The following SPOCK1 variants were observed in gnomAD, a reference collection of about 807,000 sequenced individuals.
SPOCK1 encodes the protein testican-1.
A neutral mutation model predicts 55.3 loss-of-function variants in SPOCK1; 23 were observed. The observed-to-expected ratio is 0.42, with a 90% CI of 0.30 to 0.59. The LOEUF is 0.59. SPOCK1 is among the 20% of genes least tolerant of loss of function. SPOCK1 has a pLI of 0.22. For missense variants in SPOCK1, 499 were observed against 552.5 expected (o/e 0.90, Z 0.97); for synonymous variants, 226 against 221.0 (o/e 1.02, Z -0.20).
chr5:137,244,673 C>T (rs927538903), intron 3 of SPOCK1, among the ~76,000 whole-genome samples: 11 of 152,168 alleles, frequency 7.2e-5, no homozygotes, highest in African/African-American at 2.7e-4. Flanking sequence ...TTTGTTCTAC[C>T]CTCAATGGAA....
At chr5:137,032,545 C>T (rs192453778) in intron 6 of SPOCK1, among the ~76,000 whole-genome samples, 1 of 152,052 alleles carries the variant, frequency 6.6e-6, no homozygotes, top group African/African-American at 2.4e-5. Context: ...GAAAAAGGCA[C>T]GAGGTAGCGT....
chr5:137,313,968 A>G (rs1421216042), intron 2 of SPOCK1, among the ~76,000 whole-genome samples: 1 of 148,812 alleles, frequency 6.7e-6, no homozygotes, highest in Non-Finnish European at 1.5e-5. Flanking sequence ...GTGTTCCCAG[A>G]TGGTCCTGCA....
chr5:137,039,269 A>ATT (rs1751943085), intron 6 of SPOCK1, among the ~76,000 whole-genome samples: 5 of 59,182 alleles, frequency 8.4e-5, no homozygotes, highest in Admixed American at 1.8e-4. Flanking sequence ...TGCCTGCCAC[A>ATT]CTTTTTTTTT....
At chr5:137,083,269 T>A (rs1375878105) in intron 5 of SPOCK1, among the ~76,000 whole-genome samples, 2 of 152,230 alleles carry the variant, frequency 1.3e-5, no homozygotes, top group Non-Finnish European at 2.9e-5. Context: ...GGGAAGCCAA[T>A]ACATCAGCTA....
chr5:136,979,414 G>A lies in SPOCK1; in HGVS notation c.1047C>T (p.His349=), dbSNP rs367919213. The part of the protein sequence containing the change: ...EEGYYKATQC[H]GSTGQCWCVD... ...CACACCAGCACTGCCCCGTGCTGCC[G>A]TGGCACTGTGTGGCTTTGTAATAGC... The change falls in exon 10 of 11, where the codon CAC becomes CAT. Residue 349 remains histidine (H), a synonymous_variant. Transcript: ENST00000394945. 20 of 1,613,934 alleles carry A rather than the reference G, an allele frequency of 1.2e-5. No individual in the cohort carries two copies. The highest frequency in any genetic ancestry group is 8.0e-5 in the African/African-American group (6 of 74,890).
chr5:137,367,343 C>T (rs1004944763), intron 2 of SPOCK1, among the ~76,000 whole-genome samples: 51 of 152,074 alleles, frequency 3.4e-4, no homozygotes, highest in African/African-American at 1.2e-3. Flanking sequence ...GTCAACATGC[C>T]GCAAGAAGCA....
At chr5:137,085,887 A>C (rs1038892021) in intron 5 of SPOCK1, among the ~76,000 whole-genome samples, 19 of 152,196 alleles carry the variant, frequency 1.2e-4, no homozygotes, top group African/African-American at 3.1e-4. Flanking sequence ...CCCTGCCCCA[A>C]TAGTGTTATT....
At chr5:137,487,160 T>C (rs887111750) in intron 2 of SPOCK1, among the ~76,000 whole-genome samples, 4 of 152,078 alleles carry the variant, frequency 2.6e-5, no homozygotes, top group African/African-American at 9.7e-5. Context: ...AATTTACCAT[T>C]AATTAAAGGA....
intron 2 of SPOCK1, among the ~76,000 whole-genome samples, chr5:137,314,590 G>T (rs1757844050): frequency 6.6e-6 from 1 of 152,198 alleles, no homozygotes; most frequent in African/African-American, 2.4e-5. Context: ...CCAGCAGAGT[G>T]CCAGGAACAC....
Position 136,984,352 on chromosome 5 carries a change from G to A in SPOCK1, c.991+788C>T, listed in dbSNP as rs185561005. 5.9e-5 allele frequency among the ~76,000 whole-genome samples: 9 copies of A among 152,136 alleles called. No individual in the cohort carries two copies. The East Asian group carries it at 1.5e-3, about 26-fold the overall frequency. ...AAACTTCTGAAATGGCAGGCTGCTT[G>A]GGGAATGCATCTGCCTCTGAATGCT... On this transcript the variant is annotated intron_variant, in intron 9 of 10. Transcript: ENST00000394945.
intron 2 of SPOCK1, among the ~76,000 whole-genome samples, chr5:137,488,073 T>C (rs908622932): frequency 6.6e-6 from 1 of 152,178 alleles, no homozygotes; most frequent in African/African-American, 2.4e-5. Context: ...GAGAACTACC[T>C]ACATCAGAAT....
intron 2 of SPOCK1, among the ~76,000 whole-genome samples, chr5:137,496,492 T>G (rs1036015727): frequency 2.6e-5 from 4 of 152,214 alleles, no homozygotes; most frequent in African/African-American, 9.6e-5. Flanking sequence ...TTCAACTCAA[T>G]CCAGCTGCCA....
chr5:137,220,253 T>C (rs1755819075), intron 3 of SPOCK1, among the ~76,000 whole-genome samples: 1 of 152,166 alleles, frequency 6.6e-6, no homozygotes, highest in Non-Finnish European at 1.5e-5. Flanking sequence ...AAAAGCACCA[T>C]TTTGGTTAAA....
At chr5:137,009,768 G>A (rs1408095872) in intron 6 of SPOCK1, among the ~76,000 whole-genome samples, 2 of 152,106 alleles carry the variant, frequency 1.3e-5, no homozygotes, top group Admixed American at 1.3e-4. Flanking sequence ...TCTCCATTCT[G>A]CCCTGTGACC....
At chr5:137,132,260 A>AG (rs796374039) in intron 4 of SPOCK1, among the ~76,000 whole-genome samples, 6 of 150,270 alleles carry the variant, frequency 4.0e-5, no homozygotes, top group Admixed American at 6.6e-5. Flanking sequence ...AGTGAATTGC[A>AG]GGGGGGCTCA....
intron 2 of SPOCK1, among the ~76,000 whole-genome samples, chr5:137,421,107 T>C (rs1752482497): frequency 6.6e-6 from 1 of 152,252 alleles, no homozygotes; most frequent in Non-Finnish European, 1.5e-5. Flanking sequence ...TTGAGCGGTT[T>C]TGAGTGAGTT....
In SPOCK1 at chr5:136,976,889, T is replaced by A. The variant is rs1313426178; in HGVS notation, c.*1765A>T. The stretch of plus-strand genomic sequence containing the variant: ...CCGACTGGATTGGAACATGCTAATT[T>A]AAGGTGAGTTGGTACATCTAAATGG... On this transcript the variant is annotated 3_prime_UTR_variant, in exon 11 of 11. Transcript: ENST00000394945. 6.6e-6 allele frequency: 1 copy of A among 152,216 alleles called. No individual in the cohort carries two copies. The highest frequency in any genetic ancestry group is 1.5e-5 in the Non-Finnish European group (1 of 68,050). 9.4% of individuals were successfully genotyped at this position (152,216 alleles called of 1,614,324 possible). A position where few individuals can be genotyped will look rare whatever the true frequency, so the allele number is the denominator to read the frequency against.
intron 2 of SPOCK1, among the ~76,000 whole-genome samples, chr5:137,431,251 C>T (rs571910875): frequency 6.6e-6 from 1 of 152,284 alleles, no homozygotes; most frequent in South Asian, 2.1e-4. Context: ...TTACCTACAG[C>T]CAAACAGTCT....
chr5:137,466,464 T>C (rs1753625822), intron 2 of SPOCK1, among the ~76,000 whole-genome samples: 1 of 152,208 alleles, frequency 6.6e-6, no homozygotes. Flanking sequence ...GCTCATAAAG[T>C]CAGGAGCCCT....
Sources: gnomAD v4.1 joint callset for allele counts (sites outside exome capture counted in the v4.1 genomes callset) on GRCh38, gnomAD v4.1.1 for gene constraint, MANE v1.5 for transcripts, NCBI Gene and HGNC (gene_info 2026-07-23, HGNC 2026-07-21) for gene names.